The following TRHDE variants were observed in gnomAD, a reference collection of about 807,000 sequenced individuals.
The protein encoded by TRHDE is thyrotropin releasing hormone degrading enzyme.
In TRHDE, 72 loss-of-function variants were observed where a neutral mutation model predicts 125.7. That is an observed-to-expected ratio of 0.57 (90% confidence interval 0.47 to 0.70). The LOEUF is 0.70. Ranked by LOEUF, TRHDE falls within the 30% of genes least tolerant of loss-of-function variation. The pLI, the probability that TRHDE is intolerant of heterozygous loss-of-function variation, is 0.00. For missense variants in TRHDE, 1,110 were observed against 1,327.1 expected (o/e 0.84, Z 2.54); for synonymous variants, 509 against 509.1 (o/e 1.00, Z 0.00).
At chr12:72,648,039 G>A (rs553027760) in intron 15 of TRHDE, among the ~76,000 whole-genome samples, 36 of 152,038 alleles carry the variant, frequency 2.4e-4, no homozygotes, top group African/African-American at 8.7e-4. Context: ...TTACATTAAG[G>A]GATAATACAC....
chr12:72,549,597 GATA>G (rs574683125), intron 7 of TRHDE, among the ~76,000 whole-genome samples: 59 of 151,844 alleles, frequency 3.9e-4, no homozygotes, highest in South Asian at 1.5e-3. Flanking sequence ...AATGTCATAT[GATA>G]ATAATGTTAT....
chr12:72,152,477 T>C (rs566449709), intron 2 of TRHDE, among the ~76,000 whole-genome samples: 1 of 152,216 alleles, frequency 6.6e-6, no homozygotes, highest in South Asian at 2.1e-4. Context: ...CTTGTGCCAG[T>C]TTTCAAAGGG....
intron 6 of TRHDE, among the ~76,000 whole-genome samples, chr12:72,537,252 G>C (rs1016100624): frequency 6.6e-6 from 1 of 151,962 alleles, no homozygotes; most frequent in Non-Finnish European, 1.5e-5. Context: ...TAGGACTTAT[G>C]GTGTGGTTTG....
chr12:72,608,185 T>C (rs1872521873), intron 12 of TRHDE, among the ~76,000 whole-genome samples: 1 of 152,142 alleles, frequency 6.6e-6, no homozygotes, highest in Non-Finnish European at 1.5e-5. Context: ...ATTACTCCCA[T>C]GCGCCATATG....
At chr12:72,376,982 C>T (rs1871915581) in intron 2 of TRHDE, among the ~76,000 whole-genome samples, 2 of 151,920 alleles carry the variant, frequency 1.3e-5, no homozygotes, top group South Asian at 4.2e-4. Flanking sequence ...AGCTGGTGGC[C>T]AACACCTTCA....
At chr12:72,321,605 C>T (rs999930318) in intron 2 of TRHDE, among the ~76,000 whole-genome samples, 1 of 151,992 alleles carries the variant, frequency 6.6e-6, no homozygotes, top group Non-Finnish European at 1.5e-5. Flanking sequence ...TTTATTTTAC[C>T]AAGCATTTCA....
chr12:72,238,291 T>TAC (rs1467547679), intron 2 of TRHDE, among the ~76,000 whole-genome samples: 1 of 28,582 alleles, frequency 3.5e-5, no homozygotes, highest in Non-Finnish European at 7.3e-5. Flanking sequence ...TATATATATA[T>TAC]ATATATATAT....
chr12:72,205,901 G>A (rs1163767182), intron 2 of TRHDE, among the ~76,000 whole-genome samples: 2 of 152,034 alleles, frequency 1.3e-5, no homozygotes, highest in Non-Finnish European at 2.9e-5. Context: ...TGGTAGTTCC[G>A]TTTTTAATTT....
intron 6 of TRHDE, among the ~76,000 whole-genome samples, chr12:72,506,348 A>G (rs1878358572): frequency 6.6e-6 from 1 of 152,144 alleles, no homozygotes; most frequent in Non-Finnish European, 1.5e-5. Flanking sequence ...ACAAGAAAAG[A>G]ATGCAACCCA....
At chr12:72,510,386 C>G (rs1450738274) in intron 6 of TRHDE, among the ~76,000 whole-genome samples, 3 of 152,072 alleles carry the variant, frequency 2.0e-5, no homozygotes, top group Non-Finnish European at 4.4e-5. Context: ...TATATGATGG[C>G]AATAATAGGC....
At chr12:72,344,923 T>C (rs1870247853) in intron 2 of TRHDE, among the ~76,000 whole-genome samples, 1 of 152,044 alleles carries the variant, frequency 6.6e-6, no homozygotes, top group Non-Finnish European at 1.5e-5. Context: ...AAAAAGAGGT[T>C]CATGTTGGCC....
At chr12:72,546,261 A>T (rs1164129610) in intron 7 of TRHDE, among the ~76,000 whole-genome samples, 1 of 151,696 alleles carries the variant, frequency 6.6e-6, no homozygotes, top group Non-Finnish European at 1.5e-5. Context: ...TAAGAGATAC[A>T]TGATTCTTTT....
chr12:72,246,563 G>A (rs1341541385), intron 2 of TRHDE, among the ~76,000 whole-genome samples: 3 of 151,972 alleles, frequency 2.0e-5, no homozygotes, highest in Admixed American at 1.3e-4. Context: ...TCTTCCTCGG[G>A]CCTGCTCACT....
chr12:72,334,787 T>A (rs1010752068), intron 2 of TRHDE, among the ~76,000 whole-genome samples: 1 of 152,132 alleles, frequency 6.6e-6, no homozygotes, highest in African/African-American at 2.4e-5. Context: ...CAATAGGAAA[T>A]AAGTTCAAAG....
At position 72,218,136 on chromosome 12, in the gene TRHDE, TA is replaced by T. The variant is rs560898540; in HGVS notation, n.279+112386del. 6.0e-4 allele frequency among the ~76,000 whole-genome samples: 91 copies of T among 152,212 alleles called. 1 individual carries two copies. Among genetic ancestry groups the T allele is most frequent in the African/African-American group, 2.0e-3 (82 of 41,560 alleles). Reference sequence around the variant, plus strand: ...TAAAGATACTAATGTGAGTTATAGATAATATAGGCACAGAAAAAATGTGAAG... The same window carrying T: ...TAAAGATACTAATGTGAGTTATAGATATATAGGCACAGAAAAAATGTGAAG... On this transcript the variant is annotated intron_variant and non_coding_transcript_variant, in intron 2 of 4. Coordinates refer to the TRHDE transcript ENST00000548156.
At chr12:72,642,527 G>T (rs987926099) in intron 15 of TRHDE, among the ~76,000 whole-genome samples, 1 of 151,936 alleles carries the variant, frequency 6.6e-6, no homozygotes, top group East Asian at 1.9e-4. Flanking sequence ...AAAGATGAAG[G>T]TATTTTATTT....
intron 12 of TRHDE, among the ~76,000 whole-genome samples, chr12:72,581,448 A>G (rs1871220789): frequency 6.6e-6 from 1 of 152,222 alleles, no homozygotes; most frequent in Admixed American, 6.5e-5. Flanking sequence ...AATCATGATC[A>G]TCATTATCAT....
intron 3 of TRHDE, among the ~76,000 whole-genome samples, chr12:72,383,030 C>T (rs1040797161): frequency 1.2e-4 from 18 of 152,210 alleles, no homozygotes; most frequent in African/African-American, 3.4e-4. Flanking sequence ...GATAAGCCAA[C>T]ATAAGTAACC....
At chr12:72,416,428 G>A (rs1873735575) in intron 3 of TRHDE, among the ~76,000 whole-genome samples, 1 of 151,608 alleles carries the variant, frequency 6.6e-6, no homozygotes, top group East Asian at 1.9e-4. Flanking sequence ...TTTTCTCTGT[G>A]CTTTTGAGGT....
Sources: gnomAD v4.1 joint callset for allele counts (sites outside exome capture counted in the v4.1 genomes callset) on GRCh38, gnomAD v4.1.1 for gene constraint, MANE v1.5 for transcripts, NCBI Gene and HGNC (gene_info 2026-07-23, HGNC 2026-07-21) for gene names.